WDR59: variants seen among roughly 807,000 people sequenced by gnomAD.
The protein encoded by WDR59 is GATOR2 complex protein WDR59.
WDR59 carries 100 observed loss-of-function variants against 131.2 expected under a neutral mutation model. That is an observed-to-expected ratio of 0.76 (90% confidence interval 0.65 to 0.90). The LOEUF (loss-of-function observed/expected upper bound fraction) is 0.90. Among genes scored for constraint, WDR59 ranks in the 40% least tolerant of loss-of-function variants. The probability of loss-of-function intolerance (pLI) is 0.00; values close to 1 mark genes in which losing one functional copy is unlikely to be tolerated. For missense variants in WDR59, 1,203 were observed against 1,262.2 expected (o/e 0.95, Z 0.71); for synonymous variants, 601 against 466.2 (o/e 1.29, Z -3.72).
In WDR59 at chr16:74,885,761, C is replaced by T; in HGVS notation, c.2581G>A (p.Asp861Asn). ...LDPANTQQFD[D>N]FKKCYGEILY... The stretch of plus-strand genomic sequence containing the variant: ...ATTTCCCCATAGCATTTCTTAAAGT[C>T]ATCAAATTGCTGGGTATTGGCGGGG... The change falls in exon 25 of 26, where the codon GAC (aspartate) becomes AAC (asparagine). Residue 861 changes from aspartate to asparagine, a missense_variant. Transcript: ENST00000262144. 1 of 1,614,120 alleles carries T rather than the reference C, an allele frequency of 6.2e-7. No individual in the cohort carries two copies. Among genetic ancestry groups the T allele is most frequent in the East Asian group, 2.2e-5 (1 of 44,882 alleles).
At chr16:74,975,218 A>G (rs1464162931) in intron 1 of WDR59, among the ~76,000 whole-genome samples, 2 of 151,874 alleles carry the variant, frequency 1.3e-5, no homozygotes, top group Non-Finnish European at 2.9e-5. Context: ...AAAATTAGCC[A>G]GGCATGGCAG....
chr16:74,947,103 T>C (rs2032693942), intron 6 of WDR59, among the ~76,000 whole-genome samples: 1 of 152,278 alleles, frequency 6.6e-6, no homozygotes, highest in Admixed American at 6.5e-5. Context: ...AACTAAGCAA[T>C]GAAAACAGGT....
At chr16:74,912,798 T>C (rs575492945) in intron 13 of WDR59, among the ~76,000 whole-genome samples, 3 of 152,306 alleles carry the variant, frequency 2.0e-5, no homozygotes, top group South Asian at 4.1e-4. Context: ...GTATTCCTTA[T>C]GGGAAACAAA....
At chr16:74,918,861 T>G (rs545524908) in intron 10 of WDR59, among the ~76,000 whole-genome samples, 43 of 152,222 alleles carry the variant, frequency 2.8e-4, no homozygotes, top group African/African-American at 1.0e-3. Flanking sequence ...TTCTTATTGG[T>G]TCCTTCTCTG....
intron 24 of WDR59, 80 bp downstream of exon 24, chr16:74,886,190 A>AAAAAAAAAAAAAT: frequency 2.8e-6 from 4 of 1,448,716 alleles, no homozygotes; most frequent in Non-Finnish European, 2.8e-6. Context: ...AAAAAAAAAA[A>AAAAAAAAAAAAAT]GTAAGAGTTG....
intron 8 of WDR59, among the ~76,000 whole-genome samples, chr16:74,927,066 C>A (rs956975281): frequency 7.9e-5 from 12 of 152,192 alleles, no homozygotes; most frequent in Admixed American, 6.5e-4. Flanking sequence ...GTTCCCCAGC[C>A]TGCCTGAGGG....
intron 25 of WDR59, among the ~76,000 whole-genome samples, chr16:74,880,064 T>G (rs770773922): frequency 1.8e-4 from 27 of 152,094 alleles, no homozygotes; most frequent in Non-Finnish European, 3.5e-4. Context: ...GAAGCTGCCT[T>G]CCTCCTTATC....
chr16:74,962,561 T>C (rs2033607346), intron 2 of WDR59, among the ~76,000 whole-genome samples: 1 of 152,004 alleles, frequency 6.6e-6, no homozygotes, highest in African/African-American at 2.4e-5. Context: ...CGAATGGGAG[T>C]TCATTCATGA....
At chr16:74,940,831 G>A (rs916427947) in intron 7 of WDR59, among the ~76,000 whole-genome samples, 1 of 151,826 alleles carries the variant, frequency 6.6e-6, no homozygotes, top group African/African-American at 2.4e-5. Flanking sequence ...TCAGCCTCCC[G>A]AGTAGCTGGG....
chr16:74,941,466 G>C (rs7193660), intron 7 of WDR59, among the ~76,000 whole-genome samples: 67,330 of 151,746 alleles, frequency 0.44, 15,530 homozygotes, highest in East Asian at 0.67. Context: ...GGCCGAGGTG[G>C]GCAGATCACT....
chr16:74,889,886 C>A, intron 20 of WDR59, 71 bp from the exon 21 acceptor site: 1 of 1,192,008 alleles, frequency 8.4e-7, no homozygotes, highest in East Asian at 2.4e-5. Flanking sequence ...AGCAATCCCA[C>A]CTGTCTTCCA....
At chr16:74,949,616 G>A (rs35489977) in intron 5 of WDR59, 102 bp downstream of exon 5, 42,594 of 936,580 alleles carry the variant, frequency 0.045, 1,244 homozygotes, top group Non-Finnish European at 0.057. Context: ...AACTTGTCTC[G>A]AGGTCTGTAT....
chr16:74,922,725 A>G (rs2030370023), intron 9 of WDR59, among the ~76,000 whole-genome samples: 1 of 152,196 alleles, frequency 6.6e-6, no homozygotes, highest in African/African-American at 2.4e-5. Flanking sequence ...CAAAGAGCAC[A>G]TTTATCTTCA....
intron 6 of WDR59, among the ~76,000 whole-genome samples, chr16:74,944,741 A>G (rs1488157127): frequency 6.6e-6 from 1 of 152,046 alleles, no homozygotes; most frequent in Non-Finnish European, 1.5e-5. Context: ...CACCACTGAG[A>G]AACCTCACTG....
At chr16:74,911,193 TC>T (rs1477902535) in intron 14 of WDR59, among the ~76,000 whole-genome samples, 2 of 152,138 alleles carry the variant, frequency 1.3e-5, no homozygotes, top group Non-Finnish European at 2.9e-5. Flanking sequence ...ACAAAAGAGT[TC>T]GCAACCTAAT....
intron 18 of WDR59, chr16:74,899,656 G>C (rs762479599): frequency 2.1e-5 from 27 of 1,282,420 alleles, no homozygotes; most frequent in Non-Finnish European, 2.6e-5. Context: ...CTCGGGTAGA[G>C]ACAGGATTAG....
intron 21 of WDR59, among the ~76,000 whole-genome samples, chr16:74,889,115 T>C (rs1964917982): frequency 6.6e-6 from 1 of 152,216 alleles, no homozygotes. Flanking sequence ...ATGCATAAAT[T>C]AAGCAAACTT....
At chr16:74,948,890 C>T (rs895286208) in intron 5 of WDR59, among the ~76,000 whole-genome samples, 6 of 152,118 alleles carry the variant, frequency 3.9e-5, no homozygotes, top group Middle Eastern at 3.4e-3. Context: ...CCCAGCTACT[C>T]GGGAGACTGA....
intron 9 of WDR59, 118 bp downstream of exon 9, chr16:74,923,808 C>A: frequency 1.1e-6 from 1 of 934,540 alleles, no homozygotes; most frequent in Non-Finnish European, 1.6e-6. Context: ...CACCACTAAA[C>A]CAACAGAGAA....
Sources: gnomAD v4.1 joint callset for allele counts (sites outside exome capture counted in the v4.1 genomes callset) on GRCh38, gnomAD v4.1.1 for gene constraint, MANE v1.5 for transcripts, NCBI Gene and HGNC (gene_info 2026-07-23, HGNC 2026-07-21) for gene names.